Variants in SARNP observed in about 807,000 individuals in gnomAD.
The protein encoded by SARNP is SAP domain-containing ribonucleoprotein.
In SARNP, 5 loss-of-function variants were observed where a neutral mutation model predicts 38.1. That is an observed-to-expected ratio of 0.13 (90% confidence interval 0.07 to 0.28). The LOEUF (loss-of-function observed/expected upper bound fraction) is 0.28, where lower values mean the gene tolerates loss of function less well. SARNP is among the 10% of genes least tolerant of loss of function. The probability of loss-of-function intolerance (pLI) is 1.00; values close to 1 mark genes in which losing one functional copy is unlikely to be tolerated. For synonymous variants in SARNP, 84 were observed against 80.6 expected (o/e 1.04, Z -0.23); for missense variants, 180 against 243.9 (o/e 0.74, Z 1.75).
chr12:55,815,711 G>A lies in SARNP; in HGVS notation c.36+1955C>T, dbSNP rs528805158. 5.9e-5 allele frequency among the ~76,000 whole-genome samples: 9 copies of A among 152,172 alleles called. No individual in the cohort carries two copies. The East Asian group carries it at 9.7e-4, about 16-fold the overall frequency. On this transcript the variant is annotated intron_variant, in intron 1 of 10. Coordinates refer to ENST00000336133, the MANE Select transcript of SARNP (RefSeq NM_033082.4). ...ACTCCTGGCCTCAAGCAATCCGCCC[G>A]CCTAGGCCTCCCAAAGTGCTAGGAT...
At chr12:55,814,639 G>C (rs946552790) in intron 1 of SARNP, among the ~76,000 whole-genome samples, 10 of 152,138 alleles carry the variant, frequency 6.6e-5, no homozygotes, top group African/African-American at 2.4e-4. Context: ...GGAGGCCAAG[G>C]CAAGAGGATC....
At chr12:55,766,743 CTTCCAAG>C (rs1371645509) in intron 9 of SARNP, among the ~76,000 whole-genome samples, 1 of 151,822 alleles carries the variant, frequency 6.6e-6, no homozygotes, top group Non-Finnish European at 1.5e-5. Flanking sequence ...TTACCTCAGC[CTTCCAAG>C]CAGCTGGGAC....
At chr12:55,774,575 C>CA (rs1187594580) in intron 9 of SARNP, among the ~76,000 whole-genome samples, 3 of 41,214 alleles carry the variant, frequency 7.3e-5, no homozygotes, top group African/African-American at 2.5e-4. Flanking sequence ...AAAAAAAAAA[C>CA]AAACAAAAAA....
In SARNP at chr12:55,817,647, C is replaced by T; in HGVS notation, c.36+19G>A. On this transcript the variant is annotated intron_variant, in intron 1 of 10. Transcript: ENST00000336133. Reference sequence around the variant, plus strand: ...GTTCCTAGAAAAGTCCAACTCAGCCCTTCCCCGATTCACGGTACCTTTAGC... The same window carrying T: ...GTTCCTAGAAAAGTCCAACTCAGCCTTTCCCCGATTCACGGTACCTTTAGC... 1 of 1,610,604 alleles carries T rather than the reference C, an allele frequency of 6.2e-7. No individual in the cohort carries two copies. The highest frequency in any genetic ancestry group is 8.5e-7 in the Non-Finnish European group (1 of 1,178,330).
In SARNP at chr12:55,757,515, G is replaced by A; in HGVS notation, c.630C>T (p.Ala210=). Reference sequence around the variant, plus strand: ...AGAAAGTATCAGGAACTTTTCATCAGGCAATCCCAAAGCGCTCTGCTCTTT... The same window carrying A: ...AGAAAGTATCAGGAACTTTTCATCAAGCAATCCCAAAGCGCTCTGCTCTTT... ...KRKRAERFGI[A] The change falls in exon 11 of 11, where the codon GCC becomes GCT. Residue 210 remains alanine (A), a synonymous_variant. Transcript: ENST00000336133. The A allele has an allele frequency of 6.2e-7, 1 of 1,606,244 alleles. No homozygotes were observed. Among genetic ancestry groups the A allele is most frequent in the Non-Finnish European group, 8.5e-7 (1 of 1,178,018 alleles).
Position 55,794,090 on chromosome 12 carries a change from G to A in SARNP, c.406+269C>T, listed in dbSNP as rs182158201. On this transcript the variant is annotated intron_variant, in intron 7 of 10. Transcript: ENST00000336133. ...GCAGTTGAGACCCCAGAATAAGTAA[G>A]CAAAGTACTAGAGAAACTTCTTTGA... is the stretch of plus-strand genomic sequence containing the variant. The A allele has an allele frequency of 1.4e-5, 6 of 434,834 alleles. No individual in the cohort carries two copies. The Admixed American group carries it at 2.6e-4, about 19-fold the overall frequency. The allele number at this position is 434,834 out of a possible 1,614,324, so 26.9% of individuals were successfully genotyped here.
chr12:55,806,737 A>G (rs925663385), intron 1 of SARNP, among the ~76,000 whole-genome samples: 5 of 151,974 alleles, frequency 3.3e-5, no homozygotes, highest in African/African-American at 7.3e-5. Context: ...ACGGGGTTTC[A>G]CCATATTGGC....
chr12:55,813,539 A>ATT (rs11412761), intron 1 of SARNP, among the ~76,000 whole-genome samples: 12,460 of 107,880 alleles, frequency 0.12, 1,625 homozygotes, highest in African/African-American at 0.29. Flanking sequence ...GCTGCCTGGA[A>ATT]TTTTTTTTTT....
chr12:55,758,670 A>G (rs1203777461), intron 10 of SARNP, among the ~76,000 whole-genome samples: 1 of 152,064 alleles, frequency 6.6e-6, no homozygotes, highest in East Asian at 1.9e-4. Flanking sequence ...CTTTTCATAA[A>G]GCATCATCCT....
At chr12:55,802,392 A>G (rs940634790) in intron 2 of SARNP, among the ~76,000 whole-genome samples, 4 of 151,996 alleles carry the variant, frequency 2.6e-5, no homozygotes, top group African/African-American at 9.7e-5. Flanking sequence ...CAGGTTAAGC[A>G]TCACCAATCT....
chr12:55,781,533 C>CAAAAAA (rs56737127), intron 9 of SARNP, among the ~76,000 whole-genome samples: 4 of 86,634 alleles, frequency 4.6e-5, no homozygotes, highest in Non-Finnish European at 7.5e-5. Flanking sequence ...AACTCCGTCT[C>CAAAAAA]AAAAAAAAAA....
At chr12:55,777,452 G>A (rs754088082) in intron 9 of SARNP, among the ~76,000 whole-genome samples, 7 of 151,026 alleles carry the variant, frequency 4.6e-5, no homozygotes, top group Non-Finnish European at 7.4e-5. Flanking sequence ...TAGGCTCACT[G>A]CAACCTCTGC....
At chr12:55,803,514 C>T (rs1880046253) in intron 2 of SARNP, 115 bp downstream of exon 2, 3 of 560,322 alleles carry the variant, frequency 5.4e-6, no homozygotes, top group Admixed American at 3.2e-5. Flanking sequence ...TTTCTTGATG[C>T]CGTTAATTAA....
intron 4 of SARNP, among the ~76,000 whole-genome samples, chr12:55,798,931 C>T (rs549620333): frequency 6.6e-6 from 1 of 152,236 alleles, no homozygotes; most frequent in African/African-American, 2.4e-5. Flanking sequence ...ACATGTAAAA[C>T]ATTCAGAACA....
At position 55,783,183 on chromosome 12, in the gene SARNP, C is replaced by T. The variant is rs571904696; in HGVS notation, c.501+5892G>A. Among the ~76,000 whole-genome samples, 27 of 152,152 alleles carry T rather than the reference C, an allele frequency of 1.8e-4. 1 individual carries two copies. The East Asian group carries it at 5.2e-3, about 29-fold the overall frequency. Reference sequence around the variant, plus strand: ...CAACGGCACTGACCCAAACACTACTCCTCTTGGGAGGCATGGGAAACAGAT... The same window carrying T: ...CAACGGCACTGACCCAAACACTACTTCTCTTGGGAGGCATGGGAAACAGAT... On this transcript the variant is annotated intron_variant, in intron 9 of 10. Coordinates refer to ENST00000336133, the MANE Select transcript of SARNP (RefSeq NM_033082.4).
At chr12:55,756,438 T>A (rs1032409299), downstream of SARNP, 1 of 152,188 alleles carries the variant, frequency 6.6e-6, no homozygotes, top group African/African-American at 2.4e-5. Flanking sequence ...ATCAAACTAT[T>A]ACCATTTCAT....
At chr12:55,817,472 G>A (rs1004344845) in intron 1 of SARNP, among the ~76,000 whole-genome samples, 194 bp downstream of exon 1, 35 of 152,234 alleles carry the variant, frequency 2.3e-4, no homozygotes, top group African/African-American at 7.5e-4. Context: ...AATAAATATA[G>A]CAGTAAAGCC....
At chr12:55,815,062 C>CT (rs1400948256) in intron 1 of SARNP, among the ~76,000 whole-genome samples, 4 of 151,576 alleles carry the variant, frequency 2.6e-5, no homozygotes, top group South Asian at 4.2e-4. Context: ...TTTTTATTTT[C>CT]TTTTTTTTGA....
intron 9 of SARNP, among the ~76,000 whole-genome samples, chr12:55,772,019 A>G (rs1274585989): frequency 6.6e-6 from 1 of 152,198 alleles, no homozygotes; most frequent in African/African-American, 2.4e-5. Context: ...TTAAAAACAC[A>G]GCTGTCACCT....
Sources: allele counts gnomAD v4.1 joint callset (sites outside exome capture counted in the v4.1 genomes callset), GRCh38; gene constraint gnomAD v4.1.1; transcripts MANE v1.5; gene names NCBI Gene and HGNC (gene_info 2026-07-23, HGNC 2026-07-21).